CPNE4: variants seen among roughly 807,000 people sequenced by gnomAD.
The protein encoded by CPNE4 is copine 4, also known as copine-4.
Under a neutral mutation model 67.9 loss-of-function variants are expected in CPNE4, and 25 were observed. The observed-to-expected ratio is 0.37, with a 90% CI of 0.27 to 0.51. CPNE4 has a LOEUF of 0.51. Ranked by LOEUF, CPNE4 falls within the 20% of genes least tolerant of loss-of-function variation. CPNE4 has a pLI of 0.93. For missense variants in CPNE4, 464 were observed against 690.8 expected, an observed-to-expected ratio of 0.67 and a Z score of 3.68; for synonymous variants, 242 against 244.9, an observed-to-expected ratio of 0.99 and a Z score of 0.11.
chr3:131,962,739 A>G (rs1003952405), intron 1 of CPNE4, among the ~76,000 whole-genome samples: 2 of 152,014 alleles, frequency 1.3e-5, no homozygotes, highest in Admixed American at 1.3e-4. Flanking sequence ...CAGTTAAAAA[A>G]AAAATCCAGT....
At chr3:131,629,870 G>A (rs577849659) in intron 7 of CPNE4, among the ~76,000 whole-genome samples, 2 of 152,244 alleles carry the variant, frequency 1.3e-5, no homozygotes, top group East Asian at 3.9e-4. Context: ...AAGTATGCCT[G>A]TAATAGGCAT....
intron 2 of CPNE4, among the ~76,000 whole-genome samples, chr3:131,831,965 G>A (rs187544777): frequency 1.3e-5 from 2 of 152,160 alleles, no homozygotes; most frequent in South Asian, 2.1e-4. Flanking sequence ...CACAAACCAG[G>A]TGTTTTAAAT....
chr3:131,916,568 T>G (rs750651533), intron 1 of CPNE4, among the ~76,000 whole-genome samples: 2 of 152,096 alleles, frequency 1.3e-5, no homozygotes, highest in Non-Finnish European at 2.9e-5. Context: ...CATGGTGTGT[T>G]TTGGGAAAGA....
intron 1 of CPNE4, among the ~76,000 whole-genome samples, chr3:131,946,332 G>A (rs1370714596): frequency 6.6e-6 from 1 of 152,066 alleles, no homozygotes; most frequent in African/African-American, 2.4e-5. Flanking sequence ...GGTTCATTCC[G>A]ATTGTAGCAT....
At chr3:131,805,185 T>G (rs1438093454) in intron 2 of CPNE4, among the ~76,000 whole-genome samples, 1 of 152,196 alleles carries the variant, frequency 6.6e-6, no homozygotes, top group African/African-American at 2.4e-5. Context: ...CTGAAAGATG[T>G]GTTTTTCCCT....
At chr3:131,598,279 G>A (rs1015685822) in intron 7 of CPNE4, among the ~76,000 whole-genome samples, 2 of 152,174 alleles carry the variant, frequency 1.3e-5, no homozygotes, top group African/African-American at 2.4e-5. Context: ...GTCTGGAAAT[G>A]AGAATTGGAA....
chr3:131,589,095 A>G (rs758312950), intron 7 of CPNE4, among the ~76,000 whole-genome samples: 4 of 152,198 alleles, frequency 2.6e-5, no homozygotes, highest in Non-Finnish European at 5.9e-5. Context: ...CTAATAGGAT[A>G]TATGTATATA....
intron 11 of CPNE4, among the ~76,000 whole-genome samples, chr3:131,560,973 A>G (rs1021255823): frequency 6.6e-6 from 1 of 152,074 alleles, no homozygotes; most frequent in Non-Finnish European, 1.5e-5. Context: ...CTGTCTTCTC[A>G]TCACTAAGCA....
upstream of CPNE4, among the ~76,000 whole-genome samples, chr3:132,036,990 G>A (rs6799891): frequency 1.9e-4 from 29 of 152,234 alleles, no homozygotes; most frequent in South Asian, 2.3e-3. Flanking sequence ...GGGTGTGGGC[G>A]GTTGAAATGA....
intron 3 of CPNE4, among the ~76,000 whole-genome samples, chr3:131,711,127 A>G (rs913557956): frequency 2.6e-5 from 4 of 152,224 alleles, no homozygotes; most frequent in Admixed American, 1.3e-4. Flanking sequence ...TAATTAAGCC[A>G]TGATAGTAAG....
upstream of CPNE4, among the ~76,000 whole-genome samples, chr3:132,038,902 A>G (rs2074374935): frequency 6.6e-6 from 1 of 152,044 alleles, no homozygotes. Flanking sequence ...CCAAACCTTC[A>G]TTTTCCAGCT....
At chr3:132,015,936 T>C (rs985207136) in intron 1 of CPNE4, among the ~76,000 whole-genome samples, 4 of 152,236 alleles carry the variant, frequency 2.6e-5, no homozygotes, top group Non-Finnish European at 5.9e-5. Flanking sequence ...CCCCCATGGA[T>C]TGGGGATATT....
intron 1 of CPNE4, among the ~76,000 whole-genome samples, chr3:131,942,463 TGA>T (rs59277847): frequency 0.011 from 798 of 70,296 alleles, 1 homozygote; most frequent in South Asian, 0.019. Flanking sequence ...TGTGTGTGTG[TGA>T]GAGAGAGAGA....
chr3:131,855,596 CATT>C (rs1426736647), intron 2 of CPNE4, among the ~76,000 whole-genome samples: 1 of 151,944 alleles, frequency 6.6e-6, no homozygotes, highest in Non-Finnish European at 1.5e-5. Context: ...ACATCAGTTC[CATT>C]GTCTGTCTCA....
At chr3:132,019,759 T>C (rs2073953852) in intron 1 of CPNE4, among the ~76,000 whole-genome samples, 1 of 152,194 alleles carries the variant, frequency 6.6e-6, no homozygotes, top group Non-Finnish European at 1.5e-5. Context: ...TTTTGAGTAA[T>C]GGTTCTCAAA....
intron 7 of CPNE4, among the ~76,000 whole-genome samples, chr3:131,590,405 C>G (rs922392626): frequency 5.3e-5 from 8 of 152,028 alleles, no homozygotes; most frequent in South Asian, 2.1e-4. Flanking sequence ...AACCTGAGTC[C>G]CTAAGTGAGG....
intron 1 of CPNE4, among the ~76,000 whole-genome samples, chr3:132,020,533 A>C (rs923101068): frequency 6.6e-6 from 1 of 152,204 alleles, no homozygotes; most frequent in East Asian, 1.9e-4. Flanking sequence ...ATATGCTTTG[A>C]ATTGGGAGTC....
intron 1 of CPNE4, among the ~76,000 whole-genome samples, chr3:131,919,869 A>AT (rs1450987575): frequency 5.3e-5 from 8 of 152,166 alleles, no homozygotes; most frequent in Non-Finnish European, 1.0e-4. Context: ...GAATATATGA[A>AT]TTTTTTAAAA....
intron 2 of CPNE4, among the ~76,000 whole-genome samples, chr3:131,768,006 T>A (rs1274915886): frequency 6.6e-6 from 1 of 152,026 alleles, no homozygotes; most frequent in African/African-American, 2.4e-5. Context: ...AAAAAGTAGC[T>A]CAATGCAGCC....
Sources: allele counts gnomAD v4.1 joint callset (sites outside exome capture counted in the v4.1 genomes callset), GRCh38; gene constraint gnomAD v4.1.1; transcripts MANE v1.5; gene names NCBI Gene and HGNC (gene_info 2026-07-23, HGNC 2026-07-21).